Variants in GALNT14 observed in about 807,000 individuals in gnomAD.
GALNT14 encodes polypeptide N-acetylgalactosaminyltransferase 14, also known as UDP-GalNAc:polypeptide N-acetylgalactosaminyltransferase 14.
GALNT14 carries 60 observed loss-of-function variants against 77.5 expected under a neutral mutation model. The observed-to-expected ratio is 0.77, with a 90% confidence interval of 0.63 to 0.96. GALNT14 has a LOEUF of 0.96. Ranked by LOEUF, GALNT14 falls within the 40% of genes least tolerant of loss-of-function variation. The pLI is 0.00. For missense variants in GALNT14, 710 were observed against 731.0 expected, an observed-to-expected ratio of 0.97 and a Z score of 0.33; for synonymous variants, 280 against 281.7, an observed-to-expected ratio of 0.99 and a Z score of 0.06.
intron 1 of GALNT14, among the ~76,000 whole-genome samples, chr2:31,023,330 T>A (rs1044921426): frequency 1.2e-4 from 19 of 152,144 alleles, no homozygotes; most frequent in African/African-American, 4.6e-4. Flanking sequence ...ATTGTGTGAT[T>A]TGGATCTCAC....
chr2:31,035,714 TG>T (rs976320908), intron 1 of GALNT14, among the ~76,000 whole-genome samples: 1 of 150,404 alleles, frequency 6.6e-6, no homozygotes, highest in Non-Finnish European at 1.5e-5. Flanking sequence ...TGCAGGAACA[TG>T]GGTGGAGCCA....
At chr2:31,079,828 C>T (rs957198005) in intron 1 of GALNT14, among the ~76,000 whole-genome samples, 2 of 152,164 alleles carry the variant, frequency 1.3e-5, no homozygotes, top group Non-Finnish European at 2.9e-5. Context: ...GTGTGGCTCA[C>T]GTAGCTCAGC....
intron 1 of GALNT14, among the ~76,000 whole-genome samples, chr2:31,001,422 C>A (rs1378421993): frequency 6.6e-6 from 1 of 152,042 alleles, no homozygotes; most frequent in Non-Finnish European, 1.5e-5. Flanking sequence ...GGGTAAAGGT[C>A]ACTGAGAAAA....
chr2:30,956,957 C>G (rs1254880342), intron 4 of GALNT14, among the ~76,000 whole-genome samples: 1 of 152,194 alleles, frequency 6.6e-6, no homozygotes, highest in Non-Finnish European at 1.5e-5. Context: ...AGCATGCCTC[C>G]CATTACACAG....
intron 1 of GALNT14, among the ~76,000 whole-genome samples, chr2:31,121,137 T>C (rs1034209584): frequency 1.3e-5 from 2 of 152,202 alleles, no homozygotes; most frequent in African/African-American, 4.8e-5. Flanking sequence ...CCTTCTGAAC[T>C]CGGGAGCCCA....
chr2:31,078,242 T>C (rs749941201), intron 1 of GALNT14, among the ~76,000 whole-genome samples: 13 of 152,164 alleles, frequency 8.5e-5, no homozygotes, highest in Non-Finnish European at 1.5e-4. Context: ...CAGGGAAAAT[T>C]CAGGCTCATT....
Position 31,133,024 on chromosome 2 carries a change from G to A in GALNT14, c.129+4934C>T, listed in dbSNP as rs572406438. ...CCACCCAGGAACTGACTCAGAGGAA[G>A]AGGACAGCTTTGACTCCCCATGATC... On this transcript the variant is annotated intron_variant, in intron 1 of 14. Transcript: ENST00000349752. Among the ~76,000 whole-genome samples, 9 of 152,154 alleles carry A rather than the reference G, an allele frequency of 5.9e-5. No homozygotes were observed. The East Asian group carries it at 1.7e-3, about 29-fold the overall frequency.
chr2:30,986,123 A>T (rs1259065737), intron 2 of GALNT14, among the ~76,000 whole-genome samples: 1 of 152,094 alleles, frequency 6.6e-6, no homozygotes, highest in African/African-American at 2.4e-5. Context: ...CAAAGTGTAG[A>T]ATTTTCCCTA....
chr2:31,064,941 C>A (rs990605085), intron 1 of GALNT14, among the ~76,000 whole-genome samples: 1 of 150,078 alleles, frequency 6.7e-6, no homozygotes, highest in Non-Finnish European at 1.5e-5. Context: ...ACTCTTCGCA[C>A]GTTTAAAGTG....
intron 1 of GALNT14, among the ~76,000 whole-genome samples, chr2:31,027,093 G>C (rs1001345249): frequency 6.6e-6 from 1 of 152,216 alleles, no homozygotes; most frequent in Non-Finnish European, 1.5e-5. Context: ...ACTGTATCCA[G>C]GTATGATGAG....
chr2:30,919,437 A>G (rs981032577), intron 13 of GALNT14, among the ~76,000 whole-genome samples: 1 of 152,130 alleles, frequency 6.6e-6, no homozygotes, highest in Non-Finnish European at 1.5e-5. Flanking sequence ...CCTTTCAACA[A>G]CGAGGACGCC....
chr2:31,006,143 G>A (rs753742182), intron 1 of GALNT14, among the ~76,000 whole-genome samples: 3 of 152,126 alleles, frequency 2.0e-5, no homozygotes, highest in Admixed American at 6.5e-5. Context: ...TGGAATGGCC[G>A]GTCCAACAGT....
intron 1 of GALNT14, among the ~76,000 whole-genome samples, chr2:31,021,373 C>T (rs942223420): frequency 2.7e-5 from 4 of 150,234 alleles, no homozygotes; most frequent in East Asian, 2.0e-4. Flanking sequence ...GGTGTGATCT[C>T]GGCTCACTGC....
At chr2:31,098,929 C>G (rs548307947) in intron 1 of GALNT14, among the ~76,000 whole-genome samples, 1 of 152,034 alleles carries the variant, frequency 6.6e-6, no homozygotes, top group Admixed American at 6.6e-5. Flanking sequence ...TCATCCTCAT[C>G]GTCACATACA....
chr2:30,976,062 G>C (rs767971310), intron 2 of GALNT14, among the ~76,000 whole-genome samples: 64 of 152,274 alleles, frequency 4.2e-4, no homozygotes, highest in Admixed American at 3.9e-4. Context: ...CTGTTCAAGG[G>C]TTTGTTCCAC....
the GALNT14 span, among the ~76,000 whole-genome samples, chr2:30,893,041 T>C: frequency 2.0e-5 from 3 of 152,172 alleles, no homozygotes; most frequent in African/African-American, 7.2e-5. Context: ...GATGCATGCA[T>C]TCTTAGAAAT....
chr2:30,909,277 A>C (rs1204527709), downstream of GALNT14, among the ~76,000 whole-genome samples: 6 of 150,124 alleles, frequency 4.0e-5, no homozygotes, highest in Admixed American at 4.0e-4. Flanking sequence ...CAGGCAACCT[A>C]CAAAATGGGA....
chr2:31,059,426 C>T (rs1674445115), intron 1 of GALNT14, among the ~76,000 whole-genome samples: 1 of 152,172 alleles, frequency 6.6e-6, no homozygotes, highest in African/African-American at 2.4e-5. Context: ...ATGATCTGAA[C>T]ATCTGTGTCC....
chr2:30,940,905 C>T (rs1267228133), intron 9 of GALNT14, among the ~76,000 whole-genome samples: 3 of 152,248 alleles, frequency 2.0e-5, no homozygotes, highest in African/African-American at 7.2e-5. Flanking sequence ...CAGTCTGGAC[C>T]CTGTATGGCA....
Sources: gnomAD v4.1 joint callset for allele counts (sites outside exome capture counted in the v4.1 genomes callset) on GRCh38, gnomAD v4.1.1 for gene constraint, MANE v1.5 for transcripts, NCBI Gene and HGNC (gene_info 2026-07-23, HGNC 2026-07-21) for gene names.